CCDC33: variants seen among roughly 807,000 people sequenced by gnomAD.
CCDC33 encodes the protein coiled-coil domain containing 33, also known as coiled-coil domain-containing protein 33.
A neutral mutation model predicts 91.9 loss-of-function variants in CCDC33; 94 were observed. That is an observed-to-expected ratio of 1.02 (90% CI 0.87 to 1.21). The LOEUF is 1.21. CCDC33 is among the 50% of genes most tolerant of loss of function. The pLI is 0.00. For synonymous variants in CCDC33, 396 were observed against 374.5 expected, an observed-to-expected ratio of 1.06 and a Z score of -0.66; for missense variants, 940 against 935.5, an observed-to-expected ratio of 1.00 and a Z score of -0.06.
rs970353356 is a variant in CCDC33, at chr15:74,316,196, C to G, written c.1291-13993C>G. Among the ~76,000 whole-genome samples, 1 of 152,148 alleles carries G rather than the reference C, an allele frequency of 6.6e-6. No homozygotes were observed. Among genetic ancestry groups the G allele is most frequent in the Non-Finnish European group, 1.5e-5 (1 of 68,020 alleles). ...GGCCTCCCTGGCTTCATGGGGCAGG[C>G]TCAAGTCCCTCAAGGGCGCGGCTTC... On this transcript the variant is annotated intron_variant, in intron 11 of 18. Transcript: ENST00000398814. The surrounding 1 kb of genome is among the most constrained non-coding windows in gnomAD (Gnocchi z 4.7).
intron 9 of CCDC33, 67 bp downstream of exon 9, chr15:74,280,868 C>G: frequency 2.2e-6 from 3 of 1,344,302 alleles, no homozygotes; most frequent in Non-Finnish European, 2.9e-6. Context: ...TCACCCTGCC[C>G]CACCTCACCA....
chr15:74,243,907 T>A, intron 1 of CCDC33, 78 bp from the exon 2 acceptor site: 1 of 1,485,958 alleles, frequency 6.7e-7, no homozygotes. Flanking sequence ...ATGGCACCAC[T>A]GCACTCCAGC....
chr15:74,280,063 T>TG lies in CCDC33; in HGVS notation c.862dup (p.Val288GlyfsTer63), dbSNP rs777562257. On this transcript the variant is annotated frameshift_variant, in exon 8 of 19. Transcript: ENST00000398814. LOFTEE classifies it high-confidence loss of function. Reference sequence around the variant, plus strand: ...ACCAGCTTCTCAGAAGACACAGCCCTGGTGCTGGAGTACTACTCCTCAACT... The same window carrying TG: ...ACCAGCTTCTCAGAAGACACAGCCCTGGGTGCTGGAGTACTACTCCTCAACT... 2 of 1,614,092 alleles carry TG rather than the reference T, an allele frequency of 1.2e-6. No homozygotes were observed. Among genetic ancestry groups the TG allele is most frequent in the South Asian group, 2.2e-5 (2 of 91,082 alleles).
chr15:74,267,320 C>T (rs2076192038), intron 4 of CCDC33, among the ~76,000 whole-genome samples: 1 of 152,218 alleles, frequency 6.6e-6, no homozygotes, highest in African/African-American at 2.4e-5. Flanking sequence ...TGAGCTGCCT[C>T]CACATGCTGC....
At chr15:74,239,678 G>A (rs1220504017) in intron 1 of CCDC33, among the ~76,000 whole-genome samples, 1 of 152,174 alleles carries the variant, frequency 6.6e-6, no homozygotes, top group East Asian at 1.9e-4. Flanking sequence ...GCTGATCTCT[G>A]CACCCTAGCA....
chr15:74,309,144 C>A (rs542232908), intron 11 of CCDC33, among the ~76,000 whole-genome samples: 2 of 152,172 alleles, frequency 1.3e-5, no homozygotes, highest in Non-Finnish European at 1.5e-5. Context: ...CATGCTACCC[C>A]CCGCCCTGAA....
At position 74,280,014 on chromosome 15, in the gene CCDC33, C is replaced by G. The variant is rs554268267; in HGVS notation, c.811C>G (p.Leu271Val). The part of the protein sequence containing the change: ...PEQPLWNQSF[L>V]FQGRDGATSF... ...GCAGCCCCTGTGGAATCAGTCCTTC[C>G]TCTTCCAAGGCCGAGATGGAGCTAC... The change falls in exon 8 of 19, where the codon CTC (leucine) becomes GTC (valine). Residue 271 changes from leucine to valine, a missense_variant. Physicochemically the swap from Leu to Val is conservative, Grantham distance 32. Transcript: ENST00000398814. 3 of 1,614,208 alleles carry G rather than the reference C, an allele frequency of 1.9e-6. No individual in the cohort carries two copies. The highest frequency in any genetic ancestry group is 1.3e-5 in the African/African-American group (1 of 75,058).
At chr15:74,311,973 C>G (rs907025921) in intron 11 of CCDC33, 1 of 152,104 alleles carries the variant, frequency 6.6e-6, no homozygotes, top group Admixed American at 6.6e-5. Flanking sequence ...AGACAGTGAC[C>G]GAGAAGAGAT....
intron 11 of CCDC33, among the ~76,000 whole-genome samples, chr15:74,314,206 A>G (rs1002114698): frequency 1.3e-5 from 2 of 152,188 alleles, no homozygotes; most frequent in Non-Finnish European, 2.9e-5. Flanking sequence ...TGCATTTGCC[A>G]TACTGATTTA....
intron 10 of CCDC33, among the ~76,000 whole-genome samples, chr15:74,288,125 CAG>C (rs1338309518): frequency 2.0e-5 from 3 of 148,982 alleles, no homozygotes; most frequent in Non-Finnish European, 4.6e-5. Context: ...CATTTCCCGA[CAG>C]AGAGTTCATT....
At chr15:74,318,841 A>G (rs751528) in intron 11 of CCDC33, among the ~76,000 whole-genome samples, 64,735 of 151,828 alleles carry the variant, frequency 0.43, 14,839 homozygotes, top group South Asian at 0.66. Context: ...ATCTTTTGCA[A>G]GGCCCCTGGC....
In CCDC33 at chr15:74,223,062, G is replaced by A. The variant is rs76756569; in HGVS notation, c.675+4201G>A. On this transcript the variant is annotated intron_variant, in intron 2 of 2. Coordinates refer to the CCDC33 transcript ENST00000635913. The stretch of plus-strand genomic sequence containing the variant: ...TCATTAACTTTACTCTTTACTGCCC[G>A]TTTAATCTCAGGGGTGCAGCACGGG... Among the ~76,000 whole-genome samples the A allele has an allele frequency of 5.9e-4, 90 of 152,132 alleles. 1 individual carries two copies. In the East Asian group the frequency reaches 0.016, roughly 27 times the overall value.
Position 74,271,715 on chromosome 15 carries a change from G to A in CCDC33, c.559G>A (p.Gly187Arg). ...NHMALEIFLR[G>R]VNEPLANNPN... ...CTCTCCTCTCCAGATCTTTCTCCGG[G>A]GAGTCAACGAGCCCCTGGCCAACAA... The change falls in exon 6 of 19, where the codon GGA becomes AGA. Residue 187 changes from glycine (G) to arginine (R), a missense_variant. By Grantham distance (125) the Gly-to-Arg change is moderately radical. Coordinates refer to ENST00000398814, the MANE Select transcript of CCDC33 (RefSeq NM_025055.5). The A allele has an allele frequency of 8.1e-6, 13 of 1,613,440 alleles. No homozygotes were observed. The highest frequency in any genetic ancestry group is 1.1e-5 in the Non-Finnish European group (13 of 1,179,484).
upstream of CCDC33, among the ~76,000 whole-genome samples, chr15:74,215,886 A>AAAAGAAAGAAAG (rs1295954055): frequency 8.8e-4 from 100 of 113,908 alleles, no homozygotes; most frequent in African/African-American, 2.7e-3. Flanking sequence ...AAAAAAAAAA[A>AAAAGAAAGAAAG]AAAGAAAGAA....
intron 10 of CCDC33, among the ~76,000 whole-genome samples, chr15:74,291,350 C>G (rs1596044006): frequency 6.6e-6 from 1 of 152,222 alleles, no homozygotes; most frequent in East Asian, 1.9e-4. Context: ...ATGGCGCTTG[C>G]CAGTGGGCGA....
At chr15:74,205,815 CA>C (rs1264195023) in intron 1 of CCDC33, among the ~76,000 whole-genome samples, 2 of 152,184 alleles carry the variant, frequency 1.3e-5, no homozygotes, top group Admixed American at 1.3e-4. Flanking sequence ...CAGAGGCCAC[CA>C]AGGGAGGCCC....
rs367870863 is a variant in CCDC33, at chr15:74,335,931, C to G, written c.2146C>G (p.Leu716Val). ...CCCGCTTTGCACACCACAGAGTGCC[C>G]TCACCCACTCCATGGACCTCAAGCA... ...NSIIIEQPSA[L>V]THSMDLKQPS... The change falls in exon 19 of 19, where the codon CTC becomes GTC. Residue 716 changes from leucine (L) to valine (V), a missense_variant. Transcript: ENST00000398814. 36 of 1,613,418 alleles carry G rather than the reference C, an allele frequency of 2.2e-5. No individual in the cohort carries two copies. Among genetic ancestry groups the G allele is most frequent in the Non-Finnish European group, 2.9e-5 (34 of 1,179,756 alleles).
intron 2 of CCDC33, among the ~76,000 whole-genome samples, chr15:74,260,764 A>G (rs1355017156): frequency 6.6e-6 from 1 of 152,188 alleles, no homozygotes; most frequent in Non-Finnish European, 1.5e-5. Flanking sequence ...AACTGGGGGC[A>G]TGATGGGGAA....
intron 1 of CCDC33, chr15:74,207,886 G>A (rs1595870171): frequency 3.3e-6 from 5 of 1,504,174 alleles, no homozygotes; most frequent in Non-Finnish European, 4.4e-6. Context: ...TGGGCTGGAA[G>A]GCAGTGTCGT....
Sources: gnomAD v4.1 joint callset for allele counts (sites outside exome capture counted in the v4.1 genomes callset) on GRCh38, gnomAD v4.1.1 for gene constraint, Gnocchi (gnomAD v3.1) non-coding constraint, MANE v1.5 for transcripts, NCBI Gene and HGNC (gene_info 2026-07-23, HGNC 2026-07-21) for gene names.